Variants in ABCA12 observed in about 807,000 individuals in gnomAD.
The protein encoded by ABCA12 is glucosylceramide transporter ABCA12.
Under a neutral mutation model 293.5 loss-of-function variants are expected in ABCA12, and 156 were observed. That is an observed-to-expected ratio of 0.53 (90% CI 0.47 to 0.61). ABCA12 has a LOEUF of 0.61. ABCA12 is among the 20% of genes least tolerant of loss of function. ABCA12 has a pLI of 0.00. For synonymous variants in ABCA12, 1,063 were observed against 1,108.0 expected (o/e 0.96, Z 0.81); for missense variants, 2,797 against 3,090.2 (o/e 0.91, Z 2.25).
chr2:214,983,736 A>G lies in ABCA12; in HGVS notation c.4293T>C (p.Ser1431=). The change falls in exon 29 of 53, where the codon AGT becomes AGC. Residue 1431 remains serine (S), a synonymous_variant. Coordinates refer to ENST00000272895, the MANE Select transcript of ABCA12 (RefSeq NM_173076.3). ...GAAGGTGCTCCTTAGTAGTGAGGTA[A>G]CTGAACAAGACGTCGTGCTGCATAC... ...GVCMQHDVLF[S]YLTTKEHLLL... is the part of the protein sequence containing the mutation. 1 of 1,614,094 alleles carries G rather than the reference A, an allele frequency of 6.2e-7. No individual in the cohort carries two copies.
intron 6 of ABCA12, among the ~76,000 whole-genome samples, chr2:215,046,948 A>G (rs113343327): frequency 0.14 from 21,924 of 152,160 alleles, 4,772 homozygotes; most frequent in African/African-American, 0.47. Flanking sequence ...GCTGGAAGTC[A>G]TTATCCTCAG....
chr2:215,057,197 T>A (rs567546540), intron 3 of ABCA12, among the ~76,000 whole-genome samples: 75 of 152,158 alleles, frequency 4.9e-4, no homozygotes, highest in African/African-American at 1.8e-3. Context: ...TCTCTCTTCC[T>A]AAAAGATCTC....
intron 2 of ABCA12, among the ~76,000 whole-genome samples, chr2:215,110,752 A>G (rs1702556402): frequency 6.6e-6 from 1 of 152,210 alleles, no homozygotes; most frequent in Admixed American, 6.5e-5. Flanking sequence ...TTACAAAATA[A>G]TTCAGGATTG....
intron 7 of ABCA12, chr2:215,042,444 A>G (rs1057082085): frequency 1.3e-4 from 20 of 152,058 alleles, no homozygotes; most frequent in African/African-American, 4.6e-4. Flanking sequence ...ATAGTATCCC[A>G]CTATGTTGCC....
intron 2 of ABCA12, among the ~76,000 whole-genome samples, chr2:215,089,781 T>C (rs1402425877): frequency 6.6e-6 from 1 of 152,234 alleles, no homozygotes; most frequent in Non-Finnish European, 1.5e-5. Context: ...GCAGAACTAA[T>C]ATAAGAACCA....
At chr2:214,948,810 G>T (rs1322857190) in intron 46 of ABCA12, 73 bp from the exon 47 acceptor site, 3 of 1,579,236 alleles carry the variant, frequency 1.9e-6, no homozygotes, top group Non-Finnish European at 2.6e-6. Flanking sequence ...ATGCTGGGAA[G>T]GTAGCTCTAT....
intron 11 of ABCA12, chr2:215,020,621 T>A (rs1177129923): frequency 6.6e-6 from 1 of 152,228 alleles, no homozygotes; most frequent in Non-Finnish European, 1.5e-5. Context: ...ACAATGTGAA[T>A]GTACTCAACA....
At chr2:214,981,761 G>GTTTT (rs11323161) in intron 30 of ABCA12, among the ~76,000 whole-genome samples, 22 of 77,012 alleles carry the variant, frequency 2.9e-4, no homozygotes, top group African/African-American at 7.8e-4. Flanking sequence ...CGTCAAGCTG[G>GTTTT]TTTTTTTTTT....
intron 1 of ABCA12, among the ~76,000 whole-genome samples, chr2:215,112,479 T>A (rs1395145506): frequency 9.6e-6 from 1 of 103,772 alleles, no homozygotes; most frequent in African/African-American, 7.3e-5. Context: ...TTCTTTGGGT[T>A]TTTTTTGTTT....
chr2:215,098,877 G>A (rs907358643), intron 2 of ABCA12, among the ~76,000 whole-genome samples: 2 of 152,220 alleles, frequency 1.3e-5, no homozygotes, highest in Non-Finnish European at 2.9e-5. Context: ...ATTCAGTGTG[G>A]CCCAAAGCAG....
intron 2 of ABCA12, among the ~76,000 whole-genome samples, chr2:215,075,957 A>C (rs1701825858): frequency 6.6e-6 from 1 of 152,212 alleles, no homozygotes; most frequent in Non-Finnish European, 1.5e-5. Context: ...GGATGCTCGA[A>C]GTCTGGTTCC....
intron 5 of ABCA12, among the ~76,000 whole-genome samples, chr2:215,051,256 T>G (rs1701314170): frequency 6.6e-6 from 1 of 152,124 alleles, no homozygotes; most frequent in East Asian, 1.9e-4. Context: ...ATTGAGAGAC[T>G]TCTATGCCAG....
At position 215,011,574 on chromosome 2, in the gene ABCA12, C is replaced by T; in HGVS notation, c.2197G>A (p.Gly733Arg). 2 of 1,614,012 alleles carry T rather than the reference C, an allele frequency of 1.2e-6. No individual in the cohort carries two copies. The highest frequency in any genetic ancestry group is 1.7e-6 in the Non-Finnish European group (2 of 1,179,946). Residue 733 changes from glycine to arginine, a missense_variant, in exon 17 of 53, where the codon GGA becomes AGA. Transcript: ENST00000272895. ...GCAGTTAAATATTCAGTGGTAATTC[C>T]TTGAGAACATAATGCTTGGGAGATG... ...STISQALCSQ[G>R]ITTEYLTAML...
At chr2:215,046,800 A>G (rs1460989984) in intron 6 of ABCA12, among the ~76,000 whole-genome samples, 4 of 152,150 alleles carry the variant, frequency 2.6e-5, no homozygotes, top group African/African-American at 9.7e-5. Context: ...ACTATTCATA[A>G]TAGCAAAGAC....
chr2:215,110,237 G>A (rs1027055495), intron 2 of ABCA12, among the ~76,000 whole-genome samples: 10 of 152,160 alleles, frequency 6.6e-5, no homozygotes, highest in African/African-American at 1.9e-4. Context: ...TTGGCTGGGC[G>A]CGGTGGCTCA....
intron 1 of ABCA12, among the ~76,000 whole-genome samples, chr2:215,128,144 T>C (rs909318057): frequency 2.0e-5 from 3 of 152,244 alleles, no homozygotes; most frequent in African/African-American, 7.2e-5. Flanking sequence ...TTCTAGCTTG[T>C]AGGGTTTCTG....
chr2:214,953,710 G>T, intron 44 of ABCA12, 144 bp downstream of exon 44: 1 of 1,005,146 alleles, frequency 9.9e-7, no homozygotes, highest in Non-Finnish European at 1.4e-6. Flanking sequence ...AATAAATAGT[G>T]AATTATGCTA....
rs28940269 is a variant in ABCA12, at chr2:214,986,566, T to C, written c.4139A>G (p.Asn1380Ser). The C allele has an allele frequency of 4.8e-5, 78 of 1,614,088 alleles. No homozygotes were observed. Among genetic ancestry groups the C allele is most frequent in the Admixed American group, 6.7e-5 (4 of 60,018 alleles). Residue 1380 changes from asparagine to serine, a missense_variant, in exon 28 of 53, where the codon AAT becomes AGT. Around this residue, in one of 3 missense-constraint regions of ABCA12, gnomAD observed 2,130 missense variants for 2,427.0 expected, o/e 0.88. Coordinates refer to ENST00000272895, the MANE Select transcript of ABCA12 (RefSeq NM_173076.3). ...CATGGTAGTAGTTTTCCCAGCTCCA[T>C]TGGGCCCCAGCAATGAAGTAATATG... is the stretch of plus-strand genomic sequence containing the variant. ...EGHITSLLGPNGAGKTTTISM... is the reference protein window; with the variant it reads ...EGHITSLLGPSGAGKTTTISM...
Position 214,968,776 on chromosome 2 carries a change from TCAAAGGCAG to T in ABCA12, c.5713_5721del (p.Leu1905_Leu1907del). On this transcript the variant is annotated inframe_deletion, in exon 38 of 53. Coordinates refer to ENST00000272895, the MANE Select transcript of ABCA12 (RefSeq NM_173076.3). Reference sequence around the variant, plus strand: ...GTTATATCAAAACGAAGGTCTTTTGTCAAAGGCAGCCCAAAACTCCAACCTCCATATCTA... The same window carrying T: ...GTTATATCAAAACGAAGGTCTTTTGTCCCAAAACTCCAACCTCCATATCTA... 1 of 1,613,352 alleles carries T rather than the reference TCAAAGGCAG, an allele frequency of 6.2e-7. No individual in the cohort carries two copies. The highest frequency in any genetic ancestry group is 2.2e-5 in the East Asian group (1 of 44,846).
Sources: allele counts gnomAD v4.1 joint callset (sites outside exome capture counted in the v4.1 genomes callset), GRCh38; gene constraint gnomAD v4.1.1; regional missense constraint gnomAD v4.1.1; transcripts MANE v1.5; gene names NCBI Gene and HGNC (gene_info 2026-07-23, HGNC 2026-07-21).